The following PCDH15 variants were observed in gnomAD, a reference collection of about 807,000 sequenced individuals.
The protein encoded by PCDH15 is protocadherin related 15.
In PCDH15, 129 loss-of-function variants were observed where a neutral mutation model predicts 178.5. The ratio of observed to expected loss-of-function variants is 0.72; its 90% CI spans 0.63 to 0.84. The LOEUF is 0.84. Ranked by LOEUF, PCDH15 falls within the 40% of genes least tolerant of loss-of-function variation. The pLI, the probability that PCDH15 is intolerant of heterozygous loss-of-function variation, is 0.00. For missense variants in PCDH15, 2,230 were observed against 2,099.9 expected, an observed-to-expected ratio of 1.06 and a Z score of -1.21; for synonymous variants, 800 against 732.0, an observed-to-expected ratio of 1.09 and a Z score of -1.50.
intron 2 of PCDH15, among the ~76,000 whole-genome samples, chr10:55,583,296 A>T (rs1842659349): frequency 6.6e-6 from 1 of 152,244 alleles, no homozygotes; most frequent in Admixed American, 6.5e-5. Flanking sequence ...AGGAAGAATT[A>T]TGCAAGTGTA....
chr10:54,468,296 G>A (rs2077664958), intron 3 of PCDH15, among the ~76,000 whole-genome samples: 1 of 151,568 alleles, frequency 6.6e-6, no homozygotes, highest in Non-Finnish European at 1.5e-5. Context: ...GGCGTTTATT[G>A]CTAAAAACTT....
At position 54,256,263 on chromosome 10, in the gene PCDH15, T is replaced by TA. The variant is rs374490947; in HGVS notation, c.877-19333dup. Among the ~76,000 whole-genome samples the TA allele has an allele frequency of 6.5e-3, 988 of 151,702 alleles. 2 individuals are homozygous for TA. The highest frequency in any genetic ancestry group is 0.013 in the South Asian group (62 of 4,804). ...CCCTGGAGTGCAATGGCAGAAAAGA[T>TA]AAAAAAAAGCATTTAATGATGATCT... On this transcript the variant is annotated intron_variant, in intron 8 of 37. Transcript: ENST00000644397.
intron 6 of PCDH15, among the ~76,000 whole-genome samples, chr10:54,336,068 T>A (rs1357728477): frequency 1.3e-5 from 2 of 152,198 alleles, no homozygotes; most frequent in Non-Finnish European, 2.9e-5. Flanking sequence ...ATTTTGTCCC[T>A]GACGTAGAGA....
intron 18 of PCDH15, among the ~76,000 whole-genome samples, chr10:54,062,227 CAAA>C (rs72361686): frequency 0.018 from 992 of 53,872 alleles, 91 homozygotes; most frequent in African/African-American, 0.09. Flanking sequence ...GATTCTGTCT[CAAA>C]AAAAAAAAAA....
At chr10:54,576,042 TAAACAAACAAAC>T (rs6143913) in intron 2 of PCDH15, among the ~76,000 whole-genome samples, 5 of 151,604 alleles carry the variant, frequency 3.3e-5, no homozygotes, top group African/African-American at 1.2e-4. Flanking sequence ...ACCTTGTTAT[TAAACAAACAAAC>T]AAACAAACAA....
At chr10:54,191,682 T>C (rs1564641331) in intron 11 of PCDH15, among the ~76,000 whole-genome samples, 1 of 149,840 alleles carries the variant, frequency 6.7e-6, no homozygotes, top group East Asian at 1.9e-4. Context: ...AAGGTGGGTG[T>C]ATCACTTGAG....
At chr10:54,292,872 G>A (rs1489475644) in intron 8 of PCDH15, among the ~76,000 whole-genome samples, 3 of 152,034 alleles carry the variant, frequency 2.0e-5, no homozygotes, top group East Asian at 3.9e-4. Flanking sequence ...TCAATATTGT[G>A]AAAACGGCCA....
intron 16 of PCDH15, among the ~76,000 whole-genome samples, chr10:54,086,582 T>C (rs1397969324): frequency 1.3e-5 from 2 of 152,160 alleles, no homozygotes; most frequent in Non-Finnish European, 2.9e-5. Context: ...GTTCTCCATT[T>C]CAAATGCATT....
At chr10:55,226,702 G>T (rs1317382419) in intron 1 of PCDH15, among the ~76,000 whole-genome samples, 6 of 152,010 alleles carry the variant, frequency 3.9e-5, no homozygotes, top group African/African-American at 1.5e-4. Flanking sequence ...AAAGAAAAAG[G>T]TTACTTGTAG....
At chr10:55,350,917 T>C (rs535497127) in intron 2 of PCDH15, among the ~76,000 whole-genome samples, 1 of 152,190 alleles carries the variant, frequency 6.6e-6, no homozygotes, top group Admixed American at 6.5e-5. Flanking sequence ...TTTAATCATA[T>C]GTTTTTAAGT....
At chr10:54,387,672 C>G (rs1356218617) in intron 3 of PCDH15, among the ~76,000 whole-genome samples, 1 of 152,174 alleles carries the variant, frequency 6.6e-6, no homozygotes, top group African/African-American at 2.4e-5. Context: ...ATTCATTATG[C>G]TTGCTTCCTT....
chr10:55,206,992 T>C (rs532661451), intron 1 of PCDH15, among the ~76,000 whole-genome samples: 1 of 152,092 alleles, frequency 6.6e-6, no homozygotes, highest in East Asian at 1.9e-4. Context: ...TTGATCTCTC[T>C]TTCTCTTTCT....
At chr10:53,924,202 C>A (rs1362406671) in intron 25 of PCDH15, among the ~76,000 whole-genome samples, 1 of 152,102 alleles carries the variant, frequency 6.6e-6, no homozygotes, top group African/African-American at 2.4e-5. Flanking sequence ...AGGCGGGAAC[C>A]GGGGCTGCAT....
At chr10:53,815,682 CTG>C (rs1206202842) in intron 35 of PCDH15, among the ~76,000 whole-genome samples, 3 of 151,706 alleles carry the variant, frequency 2.0e-5, no homozygotes, top group African/African-American at 7.3e-5. Flanking sequence ...AGTAGGATGT[CTG>C]TGTTTTTATT....
At chr10:54,479,888 C>T (rs1040154368) in intron 3 of PCDH15, among the ~76,000 whole-genome samples, 5 of 152,004 alleles carry the variant, frequency 3.3e-5, no homozygotes, top group Admixed American at 2.0e-4. Flanking sequence ...CTCACTTCAC[C>T]GCCTCAGCTA....
At chr10:55,577,326 A>G (rs1177834738) in intron 2 of PCDH15, among the ~76,000 whole-genome samples, 2 of 152,196 alleles carry the variant, frequency 1.3e-5, no homozygotes, top group Admixed American at 1.3e-4. Context: ...TTTTATTTGT[A>G]CATACACAAA....
intron 15 of PCDH15, among the ~76,000 whole-genome samples, chr10:54,129,642 A>C (rs989165773): frequency 8.5e-5 from 13 of 152,222 alleles, no homozygotes; most frequent in Admixed American, 2.0e-4. Flanking sequence ...GCCTGACCGC[A>C]TATTAAGTGC....
At chr10:54,145,017 G>A (rs2043771255) in intron 14 of PCDH15, among the ~76,000 whole-genome samples, 1 of 152,024 alleles carries the variant, frequency 6.6e-6, no homozygotes. Context: ...CTTACAGGAA[G>A]CCATAAATTA....
chr10:55,491,554 C>T lies in PCDH15; in HGVS notation c.-156+136071G>A, dbSNP rs200548479. Among the ~76,000 whole-genome samples, 9 of 151,608 alleles carry T rather than the reference C, an allele frequency of 5.9e-5. No homozygotes were observed. In the East Asian group the frequency reaches 1.8e-3, roughly 30 times the overall value. ...ATGAGTCTGGCCTCTAGCTTTTGTG[C>T]AATGGCACAGGAGTTTAGACAGGGA... On this transcript the variant is annotated intron_variant, in intron 2 of 5. Transcript: ENST00000613346.
Sources: allele counts gnomAD v4.1 joint callset (sites outside exome capture counted in the v4.1 genomes callset), GRCh38; gene constraint gnomAD v4.1.1; transcripts MANE v1.5; gene names NCBI Gene and HGNC (gene_info 2026-07-23, HGNC 2026-07-21).